KAZN: variants seen among roughly 807,000 people sequenced by gnomAD.
KAZN encodes kazrin.
Under a neutral mutation model 87.4 loss-of-function variants are expected in KAZN, and 40 were observed. That is an observed-to-expected ratio of 0.46 (90% CI 0.36 to 0.60). KAZN has a LOEUF of 0.60. Among genes scored for constraint, KAZN ranks in the 20% least tolerant of loss-of-function variants. The probability of loss-of-function intolerance (pLI) is 0.00; values close to 1 mark genes in which losing one functional copy is unlikely to be tolerated. For synonymous variants in KAZN, 466 were observed against 458.3 expected, an observed-to-expected ratio of 1.02 and a Z score of -0.22; for missense variants, 898 against 1,073.9, an observed-to-expected ratio of 0.84 and a Z score of 2.29.
chr1:14,728,104 G>C (rs977815571), intron 1 of KAZN, among the ~76,000 whole-genome samples: 1 of 151,514 alleles, frequency 6.6e-6, no homozygotes, highest in African/African-American at 2.4e-5. Context: ...TGGCCAACAC[G>C]GTGAAACCTC....
At chr1:14,309,178 T>C (rs1655120900) in intron 2 of KAZN, among the ~76,000 whole-genome samples, 1 of 152,272 alleles carries the variant, frequency 6.6e-6, no homozygotes, top group Admixed American at 6.5e-5. Context: ...GAAGAAGAAA[T>C]GGGATATCCC....
intron 1 of KAZN, among the ~76,000 whole-genome samples, chr1:14,710,686 G>C (rs1416592207): frequency 6.6e-6 from 1 of 152,034 alleles, no homozygotes; most frequent in Admixed American, 6.6e-5. Context: ...TTTTTCCATT[G>C]CCCCAGCCCT....
intron 1 of KAZN, among the ~76,000 whole-genome samples, chr1:13,903,770 C>T (rs958644537): frequency 1.3e-5 from 2 of 152,124 alleles, no homozygotes; most frequent in Admixed American, 1.3e-4. Context: ...AGGAAGACGG[C>T]CACTGCTGGG....
chr1:13,905,445 G>T (rs1040858736), intron 1 of KAZN, among the ~76,000 whole-genome samples: 1 of 152,112 alleles, frequency 6.6e-6, no homozygotes, highest in African/African-American at 2.4e-5. Flanking sequence ...GAAGTAATGA[G>T]GTATTAAGGG....
At chr1:14,434,775 C>T (rs1032742518) in intron 2 of KAZN, among the ~76,000 whole-genome samples, 5 of 152,048 alleles carry the variant, frequency 3.3e-5, no homozygotes, top group African/African-American at 1.2e-4. Context: ...CTCCAACGCA[C>T]CTCCTCTCCA....
intron 1 of KAZN, among the ~76,000 whole-genome samples, chr1:14,151,948 GAATTT>G (rs1645483663): frequency 6.6e-6 from 1 of 152,188 alleles, no homozygotes; most frequent in South Asian, 2.1e-4. Flanking sequence ...CAAGAAAAGA[GAATTT>G]AATTCATTTA....
intron 2 of KAZN, among the ~76,000 whole-genome samples, chr1:14,478,715 C>T (rs547437020): frequency 1.3e-5 from 2 of 152,184 alleles, no homozygotes; most frequent in South Asian, 4.1e-4. Context: ...ATGGCTACTG[C>T]CTTCGTAATG....
rs1354013518 is a variant in KAZN at position 14,514,372 on chromosome 1, T to TA, written c.250-84610dup. ...TATATATTATATATATATTTATATA[T>TA]ATAATATATATATATTATATATATT... On this transcript the variant is annotated intron_variant, in intron 2 of 16. Coordinates refer to the KAZN transcript ENST00000636203. Among the ~76,000 whole-genome samples, 188 of 20,772 alleles carry TA rather than the reference T, an allele frequency of 9.1e-3. 18 individuals are homozygous for TA. Among genetic ancestry groups the TA allele is most frequent in the African/African-American group, 0.032 (134 of 4,200 alleles). 13.6% of individuals were successfully genotyped at this position (20,772 alleles called of 152,430 possible). A position where few individuals can be genotyped will look rare whatever the true frequency, so the allele number is the denominator to read the frequency against.
intron 1 of KAZN, among the ~76,000 whole-genome samples, chr1:13,919,953 A>G (rs1640001300): frequency 1.3e-5 from 2 of 152,180 alleles, no homozygotes; most frequent in South Asian, 4.1e-4. Flanking sequence ...AGGGGTCATG[A>G]TTCTTCCTTT....
chr1:14,601,225 C>G (rs1043728331), intron 1 of KAZN, among the ~76,000 whole-genome samples: 3 of 152,154 alleles, frequency 2.0e-5, no homozygotes, highest in African/African-American at 7.2e-5. Context: ...TTCCTAGGGG[C>G]ACTTTGTGAT....
At chr1:14,246,954 C>A (rs189978824) in intron 2 of KAZN, among the ~76,000 whole-genome samples, 2 of 151,960 alleles carry the variant, frequency 1.3e-5, no homozygotes, top group Non-Finnish European at 2.9e-5. Flanking sequence ...CAGCTCATGC[C>A]GAATTATTTT....
At chr1:14,626,613 T>G (rs1404753307) in intron 1 of KAZN, among the ~76,000 whole-genome samples, 2 of 152,142 alleles carry the variant, frequency 1.3e-5, no homozygotes, top group African/African-American at 4.8e-5. Context: ...GTGAACCTTC[T>G]GGAATGCAAG....
rs1296003810 is a variant in KAZN at position 15,056,919 on chromosome 1, C to T, written c.916+639C>T. Reference sequence around the variant, plus strand: ...CGTCTGCAGGCCACCTTGCTCTGTTCTCTGTCCCTTCTGCAAGTAGTTGCC... The same window carrying T: ...CGTCTGCAGGCCACCTTGCTCTGTTTTCTGTCCCTTCTGCAAGTAGTTGCC... On this transcript the variant is annotated intron_variant, in intron 5 of 14. Transcript: ENST00000376030. The surrounding 1 kb of genome is among the most constrained non-coding windows in gnomAD (Gnocchi z 5.4). Among the ~76,000 whole-genome samples the T allele has an allele frequency of 6.6e-6, 1 of 152,286 alleles. No individual in the cohort carries two copies. The highest frequency in any genetic ancestry group is 1.9e-4 in the East Asian group (1 of 5,200).
intron 2 of KAZN, among the ~76,000 whole-genome samples, chr1:14,199,245 C>T (rs1646590095): frequency 6.6e-6 from 1 of 152,080 alleles, no homozygotes; most frequent in Non-Finnish European, 1.5e-5. Flanking sequence ...ACCAACCATC[C>T]AGTTTCCTCA....
intron 1 of KAZN, among the ~76,000 whole-genome samples, chr1:14,121,968 T>G (rs1461708619): frequency 6.6e-6 from 1 of 152,158 alleles, no homozygotes; most frequent in East Asian, 1.9e-4. Flanking sequence ...CCAGCGAGGT[T>G]GGAACAGAGT....
intron 2 of KAZN, among the ~76,000 whole-genome samples, chr1:14,365,901 A>C (rs1659956256): frequency 6.6e-6 from 1 of 152,224 alleles, no homozygotes; most frequent in South Asian, 2.1e-4. Context: ...TATTGCTAAT[A>C]ATAACGACTC....
chr1:14,886,085 A>T (rs1654015190), intron 1 of KAZN, among the ~76,000 whole-genome samples: 1 of 152,096 alleles, frequency 6.6e-6, no homozygotes. Context: ...CAAATGCCTT[A>T]TGGGGTACAA....
intron 8 of KAZN, among the ~76,000 whole-genome samples, chr1:15,071,955 C>T (rs914192906): frequency 2.0e-5 from 3 of 152,288 alleles, no homozygotes; most frequent in East Asian, 1.9e-4. Flanking sequence ...TATAAAATTG[C>T]GTGCCTTGCT....
At chr1:14,919,540 C>T (rs937203673) in intron 1 of KAZN, among the ~76,000 whole-genome samples, 1 of 152,198 alleles carries the variant, frequency 6.6e-6, no homozygotes, top group East Asian at 1.9e-4. Flanking sequence ...GGTCTTCATA[C>T]CCCCTGGAAA....
Sources: gnomAD v4.1 joint callset for allele counts (sites outside exome capture counted in the v4.1 genomes callset) on GRCh38, gnomAD v4.1.1 for gene constraint, Gnocchi (gnomAD v3.1) non-coding constraint, MANE v1.5 for transcripts, NCBI Gene and HGNC (gene_info 2026-07-23, HGNC 2026-07-21) for gene names.